Variants in RO60 observed in about 807,000 individuals in gnomAD.
The protein encoded by RO60 is RNA-binding protein RO60.
RO60 carries 20 observed loss-of-function variants against 55.3 expected under a neutral mutation model. That is an observed-to-expected ratio of 0.36 (90% CI 0.25 to 0.53). The LOEUF (loss-of-function observed/expected upper bound fraction) is 0.53, where lower values mean the gene tolerates loss of function less well. Ranked by LOEUF, RO60 falls within the 20% of genes least tolerant of loss-of-function variation. RO60 has a pLI of 0.92. For missense variants in RO60, 558 were observed against 646.6 expected, an observed-to-expected ratio of 0.86 and a Z score of 1.49; for synonymous variants, 213 against 213.6, an observed-to-expected ratio of 1.00 and a Z score of 0.02.
intron 1 of RO60, among the ~76,000 whole-genome samples, chr1:193,061,429 G>A (rs1672715853): frequency 6.6e-6 from 1 of 152,204 alleles, no homozygotes; most frequent in African/African-American, 2.4e-5. Context: ...GACTTCTTGA[G>A]ATGAAAGGCA....
At position 193,059,862 on chromosome 1, in the gene RO60, C is replaced by T. The variant is rs369587188; in HGVS notation, c.-22+86C>T. On this transcript the variant is annotated intron_variant, in intron 1 of 8. Transcript: ENST00000400968. This position sits in a 1 kb window ranked among gnomAD's most constrained non-coding sequence, Gnocchi z 4.9. Reference sequence around the variant, plus strand: ...TCTGACCAGTCCTCCATGTCTCTCACCCGCATCCCAGGGGTTGAGGCTGGG... The same window carrying T: ...TCTGACCAGTCCTCCATGTCTCTCATCCGCATCCCAGGGGTTGAGGCTGGG... The T allele has an allele frequency of 4.1e-4, 562 of 1,364,054 alleles. 2 individuals carry two copies. The African/African-American group carries it at 7.9e-3, about 19-fold the overall frequency. 84.5% of individuals were successfully genotyped at this position (1,364,054 alleles called of 1,614,324 possible).
Position 193,082,214 on chromosome 1 carries a change from A to T in RO60, c.1232A>T (p.Tyr411Phe). Residue 411 changes from tyrosine to phenylalanine, a missense_variant, in exon 7 of 9, where the codon TAT becomes TTT. Transcript: ENST00000400968. ...MVVTRTEKDS[Y>F]VVAFSDEMVP... ...GTCACACGAACAGAAAAAGATTCTT[A>T]TGTAGTTGCTTTTTCCGATGAAATG... 6.2e-7 allele frequency: 1 copy of T among 1,613,080 alleles called. No individual in the cohort carries two copies. The highest frequency in any genetic ancestry group is 8.5e-7 in the Non-Finnish European group (1 of 1,179,516).
At chr1:193,083,938 A>G (rs1014712786) in intron 8 of RO60, among the ~76,000 whole-genome samples, 1 of 152,094 alleles carries the variant, frequency 6.6e-6, no homozygotes. Flanking sequence ...TCTTTCTCTT[A>G]CTCTGTGTGG....
chr1:193,070,837 AAAT>A (rs1162366047), intron 2 of RO60, among the ~76,000 whole-genome samples: 1 of 152,228 alleles, frequency 6.6e-6, no homozygotes, highest in Non-Finnish European at 1.5e-5. Flanking sequence ...AATGAAATGT[AAAT>A]AATAAATTGC....
chr1:193,066,698 C>A (rs993366164), intron 1 of RO60, among the ~76,000 whole-genome samples: 4 of 152,174 alleles, frequency 2.6e-5, no homozygotes, highest in African/African-American at 9.7e-5. Flanking sequence ...CCTTAGCCTT[C>A]CTTGTAATAT....
At chr1:193,071,587 C>T (rs978308184) in intron 2 of RO60, among the ~76,000 whole-genome samples, 7 of 151,876 alleles carry the variant, frequency 4.6e-5, no homozygotes, top group Admixed American at 2.0e-4. Flanking sequence ...GTTAAATCCA[C>T]AAACAGTATG....
rs748532223 is a variant in RO60, at chr1:193,069,498, C to T, written c.444C>T (p.Leu148=). 2.5e-6 allele frequency: 4 copies of T among 1,614,190 alleles called. No homozygotes were observed. The highest frequency in any genetic ancestry group is 2.2e-5 in the South Asian group (2 of 91,084). ...SMKCGMWGRA[L]RKAIADWYNE... ...AATGTGGCATGTGGGGTCGTGCCCT[C>T]CGGAAGGCTATAGCGGACTGGTACA... Residue 148 remains leucine (L), a synonymous_variant, in exon 2 of 9, where the codon CTC becomes CTT. Transcript: ENST00000400968.
intron 1 of RO60, among the ~76,000 whole-genome samples, chr1:193,066,625 G>A (rs951722415): frequency 7.9e-5 from 12 of 151,888 alleles, no homozygotes; most frequent in East Asian, 5.8e-4. Flanking sequence ...CTCCTTTTCC[G>A]TCTCTCTTTA....
Position 193,082,590 on chromosome 1 carries a change from T to C in RO60, c.1346T>C (p.Leu449Pro). 6.2e-7 allele frequency: 1 copy of C among 1,613,960 alleles called. No homozygotes were observed. The highest frequency in any genetic ancestry group is 8.5e-7 in the Non-Finnish European group (1 of 1,179,948). The change falls in exon 8 of 9, where the codon CTT (leucine) becomes CCT (proline). Residue 449 changes from leucine to proline, a missense_variant. Physicochemically the swap from Leu to Pro is moderately conservative, Grantham distance 98 (BLOSUM62 -3). Coordinates refer to ENST00000400968, the MANE Select transcript of RO60 (RefSeq NM_001173524.2). The part of the protein sequence containing the change: ...QIPAGGTDCS[L>P]PMIWAQKTNT... ...CCAGCAGGTGGAACTGATTGCTCTC[T>C]TCCAATGATCTGGGCTCAGAAGACA...
downstream of RO60, chr1:193,091,585 T>G (rs1674860556): frequency 3.2e-6 from 4 of 1,249,536 alleles, no homozygotes; most frequent in South Asian, 4.9e-5. Context: ...TATATTAATG[T>G]ATTACATTTG....
Position 193,085,406 on chromosome 1 carries a change from G to A in RO60, c.*675G>A, listed in dbSNP as rs781407284. On this transcript the variant is annotated 3_prime_UTR_variant, in exon 9 of 9. Coordinates refer to ENST00000400968, the MANE Select transcript of RO60 (RefSeq NM_001173524.2). ...AACATCATGGCAACCCCTAAGAATA[G>A]ACTAAGTTTGTGTTGGCTGAGGGAT... The A allele has an allele frequency of 2.2e-4, 220 of 986,032 alleles. No individual in the cohort carries two copies. The highest frequency in any genetic ancestry group is 2.5e-4 in the Non-Finnish European group (209 of 831,104). 61.1% of individuals were successfully genotyped at this position (986,032 alleles called of 1,614,324 possible). A position where few individuals can be genotyped will look rare whatever the true frequency, so the allele number is the denominator to read the frequency against.
Position 193,059,662 on chromosome 1 carries a change from GC to G in RO60, c.-135del. 7.3e-7 allele frequency: 1 copy of G among 1,378,026 alleles called. No homozygotes were observed. Among genetic ancestry groups the G allele is most frequent in the Non-Finnish European group, 9.7e-7 (1 of 1,031,354 alleles). 85.4% of individuals were successfully genotyped at this position (1,378,026 alleles called of 1,614,324 possible). The stretch of plus-strand genomic sequence containing the variant: ...AATCCCCGGCGGCAGTGGGGCTGTT[GC>G]TGTTGCTGTGGCTGTCGCTGCCCGT... On this transcript the variant is annotated 5_prime_UTR_variant, in exon 1 of 9. Coordinates refer to ENST00000400968, the MANE Select transcript of RO60 (RefSeq NM_001173524.2). This position sits in a 1 kb window ranked among gnomAD's most constrained non-coding sequence, Gnocchi z 4.9.
At chr1:193,081,998 A>G (rs1317118241) in intron 6 of RO60, among the ~76,000 whole-genome samples, 188 bp from the exon 7 acceptor site, 1 of 152,216 alleles carries the variant, frequency 6.6e-6, no homozygotes, top group Non-Finnish European at 1.5e-5. Context: ...AAGGATAGTC[A>G]TGATAGCCAG....
chr1:193,082,346 G>A lies in RO60; in HGVS notation c.1317+47G>A, dbSNP rs775527955. 22 of 1,434,224 alleles carry A rather than the reference G, an allele frequency of 1.5e-5. No individual in the cohort carries two copies. In the South Asian group the frequency reaches 1.6e-4, roughly 10 times the overall value. 88.8% of individuals were successfully genotyped at this position (1,434,224 alleles called of 1,614,324 possible). On this transcript the variant is annotated intron_variant, in intron 7 of 8. Coordinates refer to ENST00000400968, the MANE Select transcript of RO60 (RefSeq NM_001173524.2). Reference sequence around the variant, plus strand: ...GTTTACTTAGTTAAGTTTACATAACGTGTAGAATGATTTTATATTGATGTC... The same window carrying A: ...GTTTACTTAGTTAAGTTTACATAACATGTAGAATGATTTTATATTGATGTC...
intron 1 of RO60, among the ~76,000 whole-genome samples, chr1:193,062,231 A>G (rs1236671325): frequency 2.6e-5 from 4 of 152,158 alleles, no homozygotes; most frequent in African/African-American, 9.7e-5. Flanking sequence ...CTCACTGCCC[A>G]ATTGCCTTCT....
chr1:193,062,357 A>C (rs1411716755), intron 1 of RO60, among the ~76,000 whole-genome samples: 1 of 152,234 alleles, frequency 6.6e-6, no homozygotes, highest in Non-Finnish European at 1.5e-5. Flanking sequence ...TTAAAAGTCA[A>C]ATATAAAAAT....
rs555695633 is a variant in RO60, at chr1:193,071,480, C to T, written c.580+1846C>T. The stretch of plus-strand genomic sequence containing the variant: ...CCATTGTATGACTGTAATTTATTAG[C>T]TAGTCTCTTATTGACAAGAGTTGTT... On this transcript the variant is annotated intron_variant, in intron 2 of 8. Transcript: ENST00000400968. 3.9e-5 allele frequency among the ~76,000 whole-genome samples: 6 copies of T among 152,212 alleles called. No homozygotes were observed. In the South Asian group the frequency reaches 1.2e-3, roughly 32 times the overall value.
chr1:193,084,929 G>T lies in RO60; in HGVS notation c.*198G>T. ...GGTCTATCTACTAAACTAGCTCTTG[G>T]GGAAATAGCTTCAGGATACTGTAGT... On this transcript the variant is annotated 3_prime_UTR_variant, in exon 9 of 9. Coordinates refer to ENST00000400968, the MANE Select transcript of RO60 (RefSeq NM_001173524.2). 2 of 1,511,144 alleles carry T rather than the reference G, an allele frequency of 1.3e-6. No individual in the cohort carries two copies. The highest frequency in any genetic ancestry group is 2.5e-5 in the South Asian group (2 of 78,548). The allele number at this position is 1,511,144 out of a possible 1,614,324, so 93.6% of individuals were successfully genotyped here. A position where few individuals can be genotyped will look rare whatever the true frequency, so the allele number is the denominator to read the frequency against.
chr1:193,090,599 T>C lies in RO60; in HGVS notation c.*5868T>C, dbSNP rs1033167884. Reference sequence around the variant, plus strand: ...AAAACCAGTGGGGAGTGGGGTATTATAATCTAGTTCTAAACTGTCCATTTG... The same window carrying C: ...AAAACCAGTGGGGAGTGGGGTATTACAATCTAGTTCTAAACTGTCCATTTG... On this transcript the variant is annotated 3_prime_UTR_variant, in exon 9 of 9. Transcript: ENST00000400968. 1 of 152,064 alleles carries C rather than the reference T, an allele frequency of 6.6e-6. No individual in the cohort carries two copies. The highest frequency in any genetic ancestry group is 1.5e-5 in the Non-Finnish European group (1 of 67,976). 9.4% of individuals were successfully genotyped at this position (152,064 alleles called of 1,614,324 possible).
Sources: gnomAD v4.1 joint callset for allele counts (sites outside exome capture counted in the v4.1 genomes callset) on GRCh38, gnomAD v4.1.1 for gene constraint, Gnocchi (gnomAD v3.1) non-coding constraint, MANE v1.5 for transcripts, NCBI Gene and HGNC (gene_info 2026-07-23, HGNC 2026-07-21) for gene names.